Variants in MEMO1 observed in about 807,000 individuals in gnomAD.
The protein encoded by MEMO1 is protein MEMO1.
MEMO1 carries 6 observed loss-of-function variants against 45.2 expected under a neutral mutation model. The observed-to-expected ratio is 0.13, with a 90% CI of 0.07 to 0.26. The LOEUF (loss-of-function observed/expected upper bound fraction) is 0.26. Ranked by LOEUF, MEMO1 falls within the 10% of genes least tolerant of loss-of-function variation. MEMO1 has a pLI of 1.00. For synonymous variants in MEMO1, 78 were observed against 124.3 expected (o/e 0.63, Z 2.48); for missense variants, 184 against 370.5 (o/e 0.50, Z 4.13).
intron 4 of MEMO1, among the ~76,000 whole-genome samples, chr2:31,925,546 T>C (rs1351628909): frequency 1.4e-5 from 2 of 147,852 alleles, no homozygotes; most frequent in Non-Finnish European, 3.0e-5. Context: ...ACAATTTAAA[T>C]CAAGTCACCC....
intron 6 of MEMO1, among the ~76,000 whole-genome samples, chr2:31,911,518 A>G (rs1452509020): frequency 6.6e-6 from 1 of 152,242 alleles, no homozygotes; most frequent in Non-Finnish European, 1.5e-5. Context: ...TAATTAAACT[A>G]TAGACTTTAG....
At chr2:31,978,292 C>T (rs1404195596) in intron 2 of MEMO1, among the ~76,000 whole-genome samples, 1 of 152,044 alleles carries the variant, frequency 6.6e-6, no homozygotes, top group Non-Finnish European at 1.5e-5. Context: ...AAGGCTATGG[C>T]AGGAGAATCA....
chr2:32,008,375 G>A (rs781484071), intron 2 of MEMO1, among the ~76,000 whole-genome samples: 23 of 152,192 alleles, frequency 1.5e-4, no homozygotes, highest in Non-Finnish European at 2.6e-4. Context: ...CACGAAGTCG[G>A]GAGTTAGAGA....
chr2:31,983,083 G>GA (rs915929815), intron 2 of MEMO1, among the ~76,000 whole-genome samples: 101 of 138,348 alleles, frequency 7.3e-4, no homozygotes, highest in Non-Finnish European at 8.5e-4. Context: ...TACTAAAAAA[G>GA]AAAAAAAAAA....
At chr2:31,878,224 G>A (rs1674845029) in intron 8 of MEMO1, among the ~76,000 whole-genome samples, 1 of 152,120 alleles carries the variant, frequency 6.6e-6, no homozygotes, top group African/African-American at 2.4e-5. Flanking sequence ...TAGAGTGAAG[G>A]AAGAGTAAAA....
At chr2:31,964,334 G>C (rs1395661864) in intron 2 of MEMO1, among the ~76,000 whole-genome samples, 5 of 151,938 alleles carry the variant, frequency 3.3e-5, no homozygotes, top group Non-Finnish European at 5.9e-5. Context: ...AGACTTAACA[G>C]ACATACCAAC....
chr2:31,900,406 CATT>C (rs1678606266), intron 6 of MEMO1, among the ~76,000 whole-genome samples: 1 of 152,158 alleles, frequency 6.6e-6, no homozygotes, highest in Admixed American at 6.5e-5. Context: ...CGGAAACCAT[CATT>C]GTCAGCAAAC....
chr2:31,885,075 A>C (rs1572566316), intron 7 of MEMO1, among the ~76,000 whole-genome samples: 1 of 152,324 alleles, frequency 6.6e-6, no homozygotes, highest in East Asian at 1.9e-4. Context: ...TACTTCATAC[A>C]TAACAATGAG....
Position 31,917,987 on chromosome 2 carries a change from T to C in MEMO1, c.376A>G (p.Thr126Ala). ...TGMFERMSLQTDEDEHSIEMH... is the reference protein window; with the variant it reads ...TGMFERMSLQADEDEHSIEMH... The stretch of plus-strand genomic sequence containing the variant: ...TCAATACTGTGTTCATCTTCATCTG[T>C]CTGCAGAGACATGCGTTCAAACATT... Residue 126 changes from threonine to alanine, a missense_variant, in exon 6 of 10, where the codon ACA becomes GCA. Thr to Ala is a moderately conservative substitution (Grantham distance 58). Transcript: ENST00000404530. The C allele has an allele frequency of 6.2e-7, 1 of 1,611,826 alleles. No homozygotes were observed. Among genetic ancestry groups the C allele is most frequent in the Non-Finnish European group, 8.5e-7 (1 of 1,179,468 alleles).
chr2:31,985,444 G>T (rs192945317), intron 2 of MEMO1, among the ~76,000 whole-genome samples: 2 of 152,164 alleles, frequency 1.3e-5, no homozygotes, highest in East Asian at 1.9e-4. Flanking sequence ...TCCTGCCTCA[G>T]CCTCCAGAGT....
In MEMO1 at chr2:31,883,898, C is replaced by CG. The variant is rs200388491; in HGVS notation, c.581-437dup. On this transcript the variant is annotated intron_variant, in intron 7 of 9. Coordinates refer to ENST00000404530, the MANE Select transcript of MEMO1 (RefSeq NM_001301833.4). ...CTGTACAAAGTTTTGATCTCTATTA[C>CG]GGGGGAAAAAAAAAAAAACCATGAG... Among the ~76,000 whole-genome samples, 14 of 146,384 alleles carry CG rather than the reference C, an allele frequency of 9.6e-5. 1 individual carries two copies. Among genetic ancestry groups the CG allele is most frequent in the African/African-American group, 2.0e-4 (8 of 40,130 alleles).
chr2:31,906,328 T>C (rs547162501), intron 6 of MEMO1, among the ~76,000 whole-genome samples: 2 of 151,060 alleles, frequency 1.3e-5, no homozygotes, highest in Non-Finnish European at 3.0e-5. Context: ...TTTGTTTTTG[T>C]TTTTGTTTTT....
chr2:31,879,089 T>C (rs1674979919), intron 8 of MEMO1, among the ~76,000 whole-genome samples: 1 of 152,196 alleles, frequency 6.6e-6, no homozygotes, highest in Non-Finnish European at 1.5e-5. Flanking sequence ...ATCTACCAAA[T>C]CAGTTAACAT....
chr2:31,899,665 G>A (rs1288106761), intron 6 of MEMO1, among the ~76,000 whole-genome samples: 9 of 152,122 alleles, frequency 5.9e-5, no homozygotes, highest in Non-Finnish European at 8.8e-5. Context: ...AATAGCAATA[G>A]AAGCCAAAAT....
intron 2 of MEMO1, among the ~76,000 whole-genome samples, chr2:31,986,154 G>A (rs969695930): frequency 2.6e-5 from 4 of 152,208 alleles, no homozygotes; most frequent in African/African-American, 4.8e-5. Context: ...CAGCACTTTG[G>A]GAGGCCGAGG....
intron 4 of MEMO1, among the ~76,000 whole-genome samples, chr2:31,926,338 C>G (rs1683107650): frequency 1.3e-5 from 2 of 149,208 alleles, no homozygotes; most frequent in Admixed American, 1.3e-4. Flanking sequence ...GCCACTGACT[C>G]CAGACTGGGT....
At chr2:31,960,065 C>T (rs904653543) in intron 2 of MEMO1, among the ~76,000 whole-genome samples, 3 of 152,048 alleles carry the variant, frequency 2.0e-5, no homozygotes, top group Non-Finnish European at 4.4e-5. Context: ...GGTGTGGCGG[C>T]GCATGCCTAT....
chr2:31,978,648 G>A (rs940515758), intron 2 of MEMO1, among the ~76,000 whole-genome samples: 22 of 152,030 alleles, frequency 1.4e-4, no homozygotes, highest in African/African-American at 4.1e-4. Flanking sequence ...GCCCATACCC[G>A]GCCTCAAGTG....
At chr2:31,993,750 T>C (rs1362080897) in intron 2 of MEMO1, among the ~76,000 whole-genome samples, 1 of 152,088 alleles carries the variant, frequency 6.6e-6, no homozygotes, top group Non-Finnish European at 1.5e-5. Flanking sequence ...CCAGTCTGAG[T>C]GGAGATACCT....
Sources: gnomAD v4.1 joint callset for allele counts (sites outside exome capture counted in the v4.1 genomes callset) on GRCh38, gnomAD v4.1.1 for gene constraint, MANE v1.5 for transcripts, NCBI Gene and HGNC (gene_info 2026-07-23, HGNC 2026-07-21) for gene names.